The following HDAC9 variants were observed in gnomAD, a reference collection of about 807,000 sequenced individuals.
The protein encoded by HDAC9 is MEF-2 interacting transcription repressor (MITR) protein.
HDAC9 carries 41 observed loss-of-function variants against 139.4 expected under a neutral mutation model. The ratio of observed to expected loss-of-function variants is 0.29; its 90% CI spans 0.23 to 0.38. HDAC9 has a LOEUF of 0.38. Among genes scored for constraint, HDAC9 ranks in the 10% least tolerant of loss-of-function variants. HDAC9 has a pLI of 1.00. For missense variants in HDAC9, 1,147 were observed against 1,297.0 expected (o/e 0.88, Z 1.78); for synonymous variants, 517 against 476.2 (o/e 1.09, Z -1.12).
intron 1 of HDAC9, among the ~76,000 whole-genome samples, chr7:18,355,627 T>G (rs75214458): frequency 0.015 from 2,285 of 152,202 alleles, 55 homozygotes; most frequent in African/African-American, 0.052. Context: ...AGAGACAAAT[T>G]TAACATCACC....
chr7:18,104,227 C>G (rs937021332), intron 1 of HDAC9, among the ~76,000 whole-genome samples: 1 of 146,136 alleles, frequency 6.8e-6, no homozygotes, highest in African/African-American at 2.5e-5. Context: ...ACCTGCTGTA[C>G]ATTGTTCCCA....
At chr7:18,857,353 G>GTGTA (rs1288912545) in intron 21 of HDAC9, among the ~76,000 whole-genome samples, 3 of 151,716 alleles carry the variant, frequency 2.0e-5, no homozygotes, top group African/African-American at 7.3e-5. Context: ...GTGTGTGTGT[G>GTGTA]TGTGTGTGTG....
At chr7:18,185,845 A>G (rs985648372) in intron 2 of HDAC9, among the ~76,000 whole-genome samples, 5 of 152,230 alleles carry the variant, frequency 3.3e-5, no homozygotes, top group Non-Finnish European at 7.3e-5. Context: ...TTTCTCCATA[A>G]AGAAAGCATG....
At chr7:18,532,820 T>A (rs1296630415) in intron 2 of HDAC9, among the ~76,000 whole-genome samples, 1 of 115,566 alleles carries the variant, frequency 8.7e-6, no homozygotes, top group South Asian at 3.4e-4. Context: ...GGCTTTCTTC[T>A]GTTTTTTTTT....
chr7:18,640,947 T>C (rs1785410717), intron 8 of HDAC9, among the ~76,000 whole-genome samples: 1 of 152,056 alleles, frequency 6.6e-6, no homozygotes, highest in Admixed American at 6.6e-5. Flanking sequence ...CATCACTGGG[T>C]CATGGTATAC....
chr7:18,432,631 A>T (rs1790783192), intron 1 of HDAC9, among the ~76,000 whole-genome samples: 1 of 152,178 alleles, frequency 6.6e-6, no homozygotes, highest in African/African-American at 2.4e-5. Context: ...TGAAAATTTG[A>T]ATGTTCATTT....
chr7:18,100,794 T>G (rs1267744624), intron 1 of HDAC9, among the ~76,000 whole-genome samples: 1 of 152,236 alleles, frequency 6.6e-6, no homozygotes. Flanking sequence ...TGCCTAGTAA[T>G]TTTTGATGGA....
chr7:18,373,728 A>G (rs1331386941), intron 1 of HDAC9, among the ~76,000 whole-genome samples: 1 of 152,144 alleles, frequency 6.6e-6, no homozygotes, highest in East Asian at 1.9e-4. Context: ...CTCTTCAGGT[A>G]ACCCTTCTTT....
intron 1 of HDAC9, among the ~76,000 whole-genome samples, chr7:18,434,137 C>A (rs941153517): frequency 6.6e-6 from 1 of 152,098 alleles, no homozygotes; most frequent in African/African-American, 2.4e-5. Context: ...TGATCTTTGG[C>A]AAAGTTGACA....
chr7:18,132,281 T>C (rs1271247701), intron 1 of HDAC9, among the ~76,000 whole-genome samples: 1 of 152,214 alleles, frequency 6.6e-6, no homozygotes, highest in Non-Finnish European at 1.5e-5. Context: ...CAAATGGAAC[T>C]ACATTCAAGG....
intron 2 of HDAC9, among the ~76,000 whole-genome samples, chr7:18,570,265 T>G (rs1823833459): frequency 6.6e-6 from 1 of 152,164 alleles, no homozygotes; most frequent in Non-Finnish European, 1.5e-5. Context: ...AATATTAAAT[T>G]TGGAATTCTT....
intron 21 of HDAC9, among the ~76,000 whole-genome samples, chr7:18,850,894 G>A (rs1797238888): frequency 6.6e-6 from 1 of 152,110 alleles, no homozygotes; most frequent in Non-Finnish European, 1.5e-5. Context: ...AACTCTGTAG[G>A]TTTTCTTTCA....
intron 23 of HDAC9, 144 bp from the exon 24 acceptor site, chr7:18,954,002 C>G (rs1027891187): frequency 3.1e-6 from 2 of 636,156 alleles, no homozygotes; most frequent in East Asian, 5.7e-5. Context: ...GGCTACACTT[C>G]TAGAACTAAT....
intron 12 of HDAC9, among the ~76,000 whole-genome samples, chr7:18,710,249 G>C (rs148320844): frequency 2.2e-4 from 34 of 152,276 alleles, no homozygotes; most frequent in Non-Finnish European, 3.8e-4. Flanking sequence ...GGAATTATGA[G>C]AGCTACAATT....
chr7:18,547,857 TACCCTCCCTCCC>T (rs1428590712), intron 2 of HDAC9, among the ~76,000 whole-genome samples: 3 of 118,458 alleles, frequency 2.5e-5, no homozygotes, highest in Non-Finnish European at 5.1e-5. Flanking sequence ...CCTTCCTTCC[TACCCTCCCTCCC>T]TCCCTCCCTC....
chr7:18,636,743 C>T (rs1240630658), intron 8 of HDAC9, among the ~76,000 whole-genome samples: 1 of 151,988 alleles, frequency 6.6e-6, no homozygotes, highest in Non-Finnish European at 1.5e-5. Context: ...ATATTTGCAG[C>T]CAGAGACATA....
chr7:18,965,872 C>T (rs1398112688), intron 24 of HDAC9, among the ~76,000 whole-genome samples: 1 of 152,132 alleles, frequency 6.6e-6, no homozygotes, highest in Admixed American at 6.6e-5. Context: ...GTTGTGTGCA[C>T]TCAATTAGTA....
chr7:18,929,862 C>T (rs1296225227), intron 22 of HDAC9, among the ~76,000 whole-genome samples: 3 of 151,952 alleles, frequency 2.0e-5, no homozygotes, highest in African/African-American at 4.8e-5. Flanking sequence ...TTGCTTGAAC[C>T]CGGGAGGTGG....
At chr7:18,325,729 G>A (rs996637094) in intron 1 of HDAC9, 1 of 151,906 alleles carries the variant, frequency 6.6e-6, no homozygotes, top group African/African-American at 2.4e-5. Flanking sequence ...TGTAAATAAT[G>A]GTACAGTCAT....
Sources: gnomAD v4.1 joint callset for allele counts (sites outside exome capture counted in the v4.1 genomes callset) on GRCh38, gnomAD v4.1.1 for gene constraint, MANE v1.5 for transcripts, NCBI Gene and HGNC (gene_info 2026-07-23, HGNC 2026-07-21) for gene names.